CDH13: variants seen among roughly 807,000 people sequenced by gnomAD.
CDH13 encodes cadherin-13.
Under a neutral mutation model 63.8 loss-of-function variants are expected in CDH13, and 24 were observed. The observed-to-expected ratio is 0.38, with a 90% confidence interval of 0.27 to 0.53. The LOEUF (loss-of-function observed/expected upper bound fraction) is 0.53. Ranked by LOEUF, CDH13 falls within the 20% of genes least tolerant of loss-of-function variation. CDH13 has a pLI of 0.85. For synonymous variants in CDH13, 503 were observed against 355.3 expected (o/e 1.42, Z -4.67); for missense variants, 1,049 against 903.1 (o/e 1.16, Z -2.07).
At chr16:83,238,125 C>T (rs1328973244) in intron 5 of CDH13, among the ~76,000 whole-genome samples, 1 of 151,624 alleles carries the variant, frequency 6.6e-6, no homozygotes, top group African/African-American at 2.4e-5. Context: ...CCTACAAGTT[C>T]GTCCATTAGG....
intron 13 of CDH13, chr16:83,790,316 C>G (rs1161265901): frequency 1.3e-5 from 2 of 152,100 alleles, no homozygotes; most frequent in African/African-American, 4.8e-5. Flanking sequence ...TCTTTGACAT[C>G]TGAAAATAAA....
intron 3 of CDH13, among the ~76,000 whole-genome samples, chr16:83,052,077 G>T (rs1597228543): frequency 6.6e-6 from 1 of 152,144 alleles, no homozygotes; most frequent in East Asian, 1.9e-4. Context: ...AATAATTCAA[G>T]CAGCTAACTA....
intron 6 of CDH13, among the ~76,000 whole-genome samples, chr16:83,346,304 C>T (rs1426575928): frequency 6.6e-6 from 1 of 152,154 alleles, no homozygotes; most frequent in South Asian, 2.1e-4. Flanking sequence ...TCTCTGTGAG[C>T]TGCTTTTGAT....
At chr16:83,582,719 C>T (rs985651816) in intron 7 of CDH13, among the ~76,000 whole-genome samples, 3 of 152,172 alleles carry the variant, frequency 2.0e-5, no homozygotes, top group African/African-American at 7.2e-5. Context: ...TGCTGACGGC[C>T]AGTGGAAATG....
At chr16:83,067,057 T>C (rs1473371818) in intron 3 of CDH13, among the ~76,000 whole-genome samples, 1 of 152,158 alleles carries the variant, frequency 6.6e-6, no homozygotes, top group East Asian at 1.9e-4. Flanking sequence ...TGACTGACCG[T>C]TTTAAGCGTC....
chr16:82,687,064 G>A (rs1467007848), intron 1 of CDH13, among the ~76,000 whole-genome samples: 1 of 152,170 alleles, frequency 6.6e-6, no homozygotes, highest in Non-Finnish European at 1.5e-5. Flanking sequence ...TTGTACAAAT[G>A]GGCAGAGAGG....
chr16:83,748,283 C>G (rs746713257), intron 11 of CDH13, 33 bp downstream of exon 11: 4 of 1,555,752 alleles, frequency 2.6e-6, no homozygotes, highest in Non-Finnish European at 3.5e-6. Flanking sequence ...CAAGGGTATA[C>G]TTTTCTGCTA....
At position 83,548,625 on chromosome 16, in the gene CDH13, C is replaced by CA. The variant is rs538534579; in HGVS notation, c.961-53827dup. Among the ~76,000 whole-genome samples the CA allele has an allele frequency of 2.0e-5, 3 of 152,240 alleles. No homozygotes were observed. The South Asian group carries it at 6.2e-4, about 32-fold the overall frequency. ...TTCTTTTACAAGGGGTATGTGGTGT[C>CA]AATGGAGACCAGAAGATGGGTTCCT... On this transcript the variant is annotated intron_variant, in intron 7 of 13. Coordinates refer to ENST00000567109, the MANE Select transcript of CDH13 (RefSeq NM_001257.5).
At chr16:82,738,749 C>T (rs577784849) in intron 1 of CDH13, among the ~76,000 whole-genome samples, 10 of 152,320 alleles carry the variant, frequency 6.6e-5, no homozygotes, top group Admixed American at 1.3e-4. Context: ...TCATCTCTTT[C>T]TGTAGGCATT....
Position 82,627,036 on chromosome 16 carries a change from C to A in CDH13, c.-57C>A. On this transcript the variant is annotated 5_prime_UTR_variant, in exon 1 of 14. Coordinates refer to ENST00000567109, the MANE Select transcript of CDH13 (RefSeq NM_001257.5). ...AAGCCTGGCTCCCACGGAAAATATG[C>A]TCAGTGCAGCCGCGTGCATGAATGA... The A allele has an allele frequency of 1.3e-6, 2 of 1,558,526 alleles. No homozygotes were observed. Among genetic ancestry groups the A allele is most frequent in the Non-Finnish European group, 8.7e-7 (1 of 1,150,014 alleles).
chr16:83,403,295 G>A (rs1460310250), intron 6 of CDH13, among the ~76,000 whole-genome samples: 3 of 152,098 alleles, frequency 2.0e-5, no homozygotes, highest in African/African-American at 2.4e-5. Context: ...TGGAAGTCAC[G>A]ACCTTGAAAT....
chr16:82,638,673 G>A (rs993205459), intron 1 of CDH13, among the ~76,000 whole-genome samples: 9 of 152,124 alleles, frequency 5.9e-5, no homozygotes, highest in African/African-American at 2.2e-4. Context: ...GCTCCCCAGG[G>A]AGGATTTGCC....
intron 7 of CDH13, among the ~76,000 whole-genome samples, chr16:83,509,851 C>T (rs868680638): frequency 6.6e-6 from 1 of 152,174 alleles, no homozygotes; most frequent in South Asian, 2.1e-4. Flanking sequence ...TTGTTTTCCT[C>T]ATGGCACACA....
chr16:83,085,558 T>G (rs758949269), intron 3 of CDH13, among the ~76,000 whole-genome samples: 2 of 152,226 alleles, frequency 1.3e-5, no homozygotes, highest in African/African-American at 2.4e-5. Flanking sequence ...ACTAGAAGTC[T>G]ACTGTTTGTC....
chr16:82,716,155 C>T (rs534970442), intron 1 of CDH13, among the ~76,000 whole-genome samples: 79 of 152,342 alleles, frequency 5.2e-4, no homozygotes, highest in Non-Finnish European at 1.0e-3. Flanking sequence ...AGCCATGGCA[C>T]TCCTCAATCC....
At chr16:83,636,848 A>G (rs1363335851) in intron 8 of CDH13, among the ~76,000 whole-genome samples, 2 of 152,176 alleles carry the variant, frequency 1.3e-5, no homozygotes, top group Non-Finnish European at 2.9e-5. Flanking sequence ...TGCTCTCCGC[A>G]ATGGCTGAAC....
intron 11 of CDH13, among the ~76,000 whole-genome samples, chr16:83,767,351 C>T (rs1057366409): frequency 2.0e-5 from 3 of 152,078 alleles, no homozygotes; most frequent in Non-Finnish European, 2.9e-5. Flanking sequence ...CTTATGGTAG[C>T]GAATAAGTCT....
chr16:83,191,556 T>TATATATATATAC (rs1555510585), intron 4 of CDH13, among the ~76,000 whole-genome samples: 2 of 126,882 alleles, frequency 1.6e-5, no homozygotes, highest in South Asian at 2.6e-4. Context: ...TATATATATA[T>TATATATATATAC]ACACACACAC....
chr16:83,526,943 C>G (rs1266686393), intron 7 of CDH13, among the ~76,000 whole-genome samples: 3 of 151,996 alleles, frequency 2.0e-5, no homozygotes, highest in African/African-American at 7.3e-5. Context: ...ACCAGCCTGG[C>G]CAACATGGTG....
Sources: gnomAD v4.1 joint callset for allele counts (sites outside exome capture counted in the v4.1 genomes callset) on GRCh38, gnomAD v4.1.1 for gene constraint, MANE v1.5 for transcripts, NCBI Gene and HGNC (gene_info 2026-07-23, HGNC 2026-07-21) for gene names.